The following RBFOX1 variants were observed in gnomAD, a reference collection of about 807,000 sequenced individuals.
The protein encoded by RBFOX1 is RNA binding fox-1 homolog 1, also known as RNA binding protein fox-1 homolog 1.
A neutral mutation model predicts 57.7 loss-of-function variants in RBFOX1; 8 were observed. The observed-to-expected ratio is 0.14, with a 90% CI of 0.08 to 0.25. The LOEUF (loss-of-function observed/expected upper bound fraction) is 0.25, where lower values mean the gene tolerates loss of function less well. RBFOX1 is among the 10% of genes least tolerant of loss of function. RBFOX1 has a pLI of 1.00. For missense variants in RBFOX1, 611 were observed against 548.5 expected (o/e 1.11, Z -1.14); for synonymous variants, 326 against 222.4 (o/e 1.47, Z -4.15).
At chr16:6,963,481 A>T (rs1289505237) in intron 3 of RBFOX1, among the ~76,000 whole-genome samples, 1 of 152,152 alleles carries the variant, frequency 6.6e-6, no homozygotes, top group Non-Finnish European at 1.5e-5. Flanking sequence ...ACTGGTCAGT[A>T]ATGAGATACA....
At chr16:5,502,881 T>C (rs894708619) in intron 2 of RBFOX1, among the ~76,000 whole-genome samples, 2 of 152,160 alleles carry the variant, frequency 1.3e-5, no homozygotes, top group African/African-American at 4.8e-5. Context: ...GCAATTCTGA[T>C]TGAGATCTTG....
intron 4 of RBFOX1, among the ~76,000 whole-genome samples, chr16:7,180,010 T>TG (rs2082384350): frequency 6.6e-6 from 1 of 152,074 alleles, no homozygotes; most frequent in Admixed American, 6.6e-5. Context: ...CCCAAAGTGC[T>TG]GGAAATATAG....
chr16:5,659,508 T>G (rs1596630146), intron 3 of RBFOX1, among the ~76,000 whole-genome samples: 1 of 152,196 alleles, frequency 6.6e-6, no homozygotes, highest in East Asian at 1.9e-4. Context: ...TTTTACCATG[T>G]TAGCCAGGAT....
chr16:7,250,053 A>G (rs1007039142), intron 4 of RBFOX1, among the ~76,000 whole-genome samples: 1 of 152,220 alleles, frequency 6.6e-6, no homozygotes, highest in African/African-American at 2.4e-5. Flanking sequence ...TGGTAACTCT[A>G]AGAATCCCTC....
At chr16:7,360,335 T>C (rs1479480265) in intron 4 of RBFOX1, among the ~76,000 whole-genome samples, 3 of 152,202 alleles carry the variant, frequency 2.0e-5, no homozygotes, top group African/African-American at 7.2e-5. Context: ...ACAGTGACTC[T>C]GAGAAGATCA....
rs551524183 is a variant in RBFOX1 at position 5,907,926 on chromosome 16, C to A, written c.351+40591C>A. Among the ~76,000 whole-genome samples, 18 of 151,680 alleles carry A rather than the reference C, an allele frequency of 1.2e-4. 1 individual carries two copies. In the South Asian group the frequency reaches 3.7e-3, roughly 32 times the overall value. On this transcript the variant is annotated intron_variant, in intron 4 of 19. Coordinates refer to the RBFOX1 transcript ENST00000641259. ...CCACCATGCCCAGCTAATTTTTTTA[C>A]TGTTAGTAGAGACTGGATTTCACTA...
intron 1 of RBFOX1, among the ~76,000 whole-genome samples, chr16:6,291,827 C>G (rs753914423): frequency 2.0e-4 from 30 of 152,092 alleles, no homozygotes; most frequent in Non-Finnish European, 4.0e-4. Flanking sequence ...GACCTGTCTC[C>G]CAGGCACATG....
At chr16:6,327,202 C>A (rs1205153400) in intron 2 of RBFOX1, among the ~76,000 whole-genome samples, 1 of 152,164 alleles carries the variant, frequency 6.6e-6, no homozygotes, top group East Asian at 1.9e-4. Context: ...TATTTCTTCC[C>A]TGAAGCTGCT....
intron 4 of RBFOX1, among the ~76,000 whole-genome samples, chr16:5,874,964 A>C (rs1381003474): frequency 6.6e-6 from 1 of 152,142 alleles, no homozygotes; most frequent in East Asian, 1.9e-4. Context: ...AAATGCATGA[A>C]TGAATGGATG....
chr16:7,005,167 C>A (rs891233330), intron 3 of RBFOX1, among the ~76,000 whole-genome samples: 4 of 151,028 alleles, frequency 2.6e-5, no homozygotes, highest in African/African-American at 7.4e-5. Context: ...CGAAAAAAAA[C>A]CCAAAACTAA....
At chr16:7,146,804 A>G (rs566318036) in intron 4 of RBFOX1, among the ~76,000 whole-genome samples, 1 of 150,206 alleles carries the variant, frequency 6.7e-6, no homozygotes, top group Admixed American at 6.7e-5. Flanking sequence ...ACAAAAATAT[A>G]TCCAAGGATG....
intron 1 of RBFOX1, among the ~76,000 whole-genome samples, chr16:5,353,750 C>T (rs1359637249): frequency 1.4e-4 from 21 of 151,304 alleles, no homozygotes. Context: ...CCTCGCCATG[C>T]CCTGTGAGAC....
chr16:5,948,929 G>C (rs1057106791), intron 4 of RBFOX1, among the ~76,000 whole-genome samples: 1 of 152,166 alleles, frequency 6.6e-6, no homozygotes, highest in East Asian at 1.9e-4. Flanking sequence ...CACAACAACA[G>C]ATGTTTCAAT....
intron 3 of RBFOX1, among the ~76,000 whole-genome samples, chr16:5,780,073 G>A (rs752728814): frequency 6.6e-6 from 1 of 152,160 alleles, no homozygotes; most frequent in African/African-American, 2.4e-5. Flanking sequence ...GCACAATCTC[G>A]GCTCACTGAA....
At chr16:6,395,423 T>C (rs995344710) in intron 2 of RBFOX1, among the ~76,000 whole-genome samples, 16 of 152,194 alleles carry the variant, frequency 1.1e-4, no homozygotes, top group African/African-American at 3.4e-4. Context: ...CAAATTCTTT[T>C]CAAATGTTGT....
At chr16:7,354,986 T>C (rs1488345223) in intron 4 of RBFOX1, among the ~76,000 whole-genome samples, 3 of 152,182 alleles carry the variant, frequency 2.0e-5, no homozygotes, top group Non-Finnish European at 4.4e-5. Context: ...AAATAATGAT[T>C]ATAATAATAA....
intron 4 of RBFOX1, among the ~76,000 whole-genome samples, chr16:5,921,695 T>C (rs2058825582): frequency 6.6e-6 from 1 of 152,178 alleles, no homozygotes; most frequent in South Asian, 2.1e-4. Flanking sequence ...AATTGGCTAA[T>C]GGTTCTGCAG....
rs182575364 is a variant in RBFOX1, at chr16:6,436,754, G to C, written c.-64+119697G>C. On this transcript the variant is annotated intron_variant, in intron 2 of 15. Transcript: ENST00000550418. ...AACCAAACACAGTTTCCGAGATGTA[G>C]TAGTAACTCAGTGATTATTTGTTGG... Among the ~76,000 whole-genome samples the C allele has an allele frequency of 5.2e-4, 79 of 152,206 alleles. 1 individual carries two copies. Among genetic ancestry groups the C allele is most frequent in the Middle Eastern group, 3.4e-3 (1 of 294 alleles).
intron 4 of RBFOX1, among the ~76,000 whole-genome samples, chr16:7,485,862 C>A (rs944098206): frequency 1.3e-5 from 2 of 152,180 alleles, no homozygotes; most frequent in African/African-American, 4.8e-5. Flanking sequence ...GGTCTGCAGG[C>A]CCATCACCTA....
Sources: gnomAD v4.1 joint callset for allele counts (sites outside exome capture counted in the v4.1 genomes callset) on GRCh38, gnomAD v4.1.1 for gene constraint, MANE v1.5 for transcripts, NCBI Gene and HGNC (gene_info 2026-07-23, HGNC 2026-07-21) for gene names.